Variants in PCDHGA12 observed in about 807,000 individuals in gnomAD.
The protein encoded by PCDHGA12 is protocadherin gamma-A12.
A neutral mutation model predicts 61.1 loss-of-function variants in PCDHGA12; 43 were observed. The observed-to-expected ratio is 0.70, with a 90% confidence interval of 0.55 to 0.91. The LOEUF (loss-of-function observed/expected upper bound fraction) is 0.91, where lower values mean the gene tolerates loss of function less well. Ranked by LOEUF, PCDHGA12 falls within the 40% of genes least tolerant of loss-of-function variation. PCDHGA12 has a pLI of 0.00. For missense variants in PCDHGA12, 1,236 were observed against 1,227.7 expected, an observed-to-expected ratio of 1.01 and a Z score of -0.10; for synonymous variants, 520 against 542.9, an observed-to-expected ratio of 0.96 and a Z score of 0.59.
At chr5:141,446,894 A>C (rs1413761456) in intron 1 of PCDHGA12, among the ~76,000 whole-genome samples, 3 of 152,118 alleles carry the variant, frequency 2.0e-5, no homozygotes, top group Non-Finnish European at 2.9e-5. Flanking sequence ...TTCATGGCTG[A>C]GCTACTTTTG....
intron 1 of PCDHGA12, among the ~76,000 whole-genome samples, chr5:141,450,782 C>T (rs1012152203): frequency 2.0e-5 from 3 of 151,350 alleles, no homozygotes; most frequent in East Asian, 1.9e-4. Flanking sequence ...CCACCGTGCC[C>T]GGACCTCATG....
chr5:141,447,541 A>G (rs2098542324), intron 1 of PCDHGA12, among the ~76,000 whole-genome samples: 1 of 152,218 alleles, frequency 6.6e-6, no homozygotes, highest in Non-Finnish European at 1.5e-5. Flanking sequence ...TTGGGTTTTA[A>G]TGTTATGAGT....
In PCDHGA12 at chr5:141,489,493, G is replaced by C. The variant is rs1485293604; in HGVS notation, c.2425-5314G>C. 3 of 1,614,078 alleles carry C rather than the reference G, an allele frequency of 1.9e-6. No homozygotes were observed. The South Asian group carries it at 3.3e-5, about 18-fold the overall frequency. On this transcript the variant is annotated intron_variant, in intron 1 of 3. Coordinates refer to ENST00000252085, the MANE Select transcript of PCDHGA12 (RefSeq NM_003735.3). This position sits in a 1 kb window ranked among gnomAD's most constrained non-coding sequence, Gnocchi z 4.5. Reference sequence around the variant, plus strand: ...CCTGAGCTTGATGAGTGGTGCCCTGGCAGTGAATCAAAAGATTGACCGAGA... The same window carrying C: ...CCTGAGCTTGATGAGTGGTGCCCTGCCAGTGAATCAAAAGATTGACCGAGA...
chr5:141,442,047 G>A (rs186626119), intron 1 of PCDHGA12: 64 of 202,912 alleles, frequency 3.2e-4, no homozygotes, highest in Admixed American at 9.3e-4. Context: ...GCGCCTACTG[G>A]TCGCGGTGCA....
intron 3 of PCDHGA12, 134 bp downstream of exon 3, chr5:141,505,615 C>T: frequency 2.0e-6 from 3 of 1,504,946 alleles, no homozygotes; most frequent in Non-Finnish European, 1.8e-6. Flanking sequence ...TCTGAAAGGA[C>T]CCACAATTCC....
intron 3 of PCDHGA12, among the ~76,000 whole-genome samples, chr5:141,509,422 G>A (rs1181133903): frequency 3.3e-5 from 5 of 152,136 alleles, no homozygotes; most frequent in Non-Finnish European, 5.9e-5. Flanking sequence ...GCCCCAATGA[G>A]TCAAACTCTT....
At chr5:141,466,094 C>T (rs1462266046) in intron 1 of PCDHGA12, among the ~76,000 whole-genome samples, 1 of 152,040 alleles carries the variant, frequency 6.6e-6, no homozygotes, top group Non-Finnish European at 1.5e-5. Flanking sequence ...TGCACTCCAG[C>T]CTGGGCAACA....
intron 1 of PCDHGA12, among the ~76,000 whole-genome samples, chr5:141,456,640 TG>T (rs1258175023): frequency 6.6e-6 from 1 of 152,130 alleles, no homozygotes; most frequent in Non-Finnish European, 1.5e-5. Flanking sequence ...TTACTACAGG[TG>T]TTAATCCCAA....
At chr5:141,468,668 C>T (rs993230755) in intron 1 of PCDHGA12, 1 of 149,910 alleles carries the variant, frequency 6.7e-6, no homozygotes, top group Admixed American at 6.7e-5. Context: ...AGATCAAGAC[C>T]ATCCTGGCTA....
chr5:141,464,419 A>C (rs2099083824), intron 1 of PCDHGA12, among the ~76,000 whole-genome samples: 1 of 151,658 alleles, frequency 6.6e-6, no homozygotes, highest in Non-Finnish European at 1.5e-5. Flanking sequence ...ATATATCTAT[A>C]TATATAGATA....
intron 1 of PCDHGA12, among the ~76,000 whole-genome samples, chr5:141,438,587 CATACATATATATATATATATATATATAT>C (rs1267620600): frequency 1.4e-5 from 1 of 73,428 alleles, no homozygotes; most frequent in Non-Finnish European, 2.6e-5. Context: ...TACATACATA[CATACATATATATATATATATATATATAT>C]ATATATATAT....
chr5:141,492,458 G>A (rs1333043781), intron 1 of PCDHGA12, among the ~76,000 whole-genome samples: 1 of 152,230 alleles, frequency 6.6e-6, no homozygotes, highest in Non-Finnish European at 1.5e-5. Flanking sequence ...GTGCGCGCCT[G>A]AGGGTCCCAG....
At chr5:141,496,021 G>A (rs1011612662) in intron 2 of PCDHGA12, among the ~76,000 whole-genome samples, 1 of 151,336 alleles carries the variant, frequency 6.6e-6, no homozygotes, top group Admixed American at 6.6e-5. Context: ...TTTTCTCTGA[G>A]CCTCTGTCTC....
chr5:141,448,152 C>T (rs1463599948), intron 1 of PCDHGA12, among the ~76,000 whole-genome samples: 1 of 151,984 alleles, frequency 6.6e-6, no homozygotes, highest in African/African-American at 2.4e-5. Flanking sequence ...CAGACTCACC[C>T]CTGAAAGATC....
At chr5:141,443,977 AT>A (rs1443967001) in intron 1 of PCDHGA12, among the ~76,000 whole-genome samples, 1 of 152,020 alleles carries the variant, frequency 6.6e-6, no homozygotes, top group African/African-American at 2.4e-5. Context: ...CATCTAAGCT[AT>A]GTTAATTTTA....
Position 141,491,244 on chromosome 5 carries a change from T to A in PCDHGA12, c.2425-3563T>A. 1 of 1,614,210 alleles carries A rather than the reference T, an allele frequency of 6.2e-7. No individual in the cohort carries two copies. Among genetic ancestry groups the A allele is most frequent in the Non-Finnish European group, 8.5e-7 (1 of 1,180,024 alleles). On this transcript the variant is annotated intron_variant, in intron 1 of 3. Coordinates refer to ENST00000252085, the MANE Select transcript of PCDHGA12 (RefSeq NM_003735.3). This position sits in a 1 kb window ranked among gnomAD's most constrained non-coding sequence, Gnocchi z 6.9. ...CCACAGTGCTGCTGGTTCTGGAGGA[T>A]GAGGACCCTGAGGAAATGCCCAAAT...
At chr5:141,455,160 GT>G (rs59530096) in intron 1 of PCDHGA12, among the ~76,000 whole-genome samples, 102 of 149,212 alleles carry the variant, frequency 6.8e-4, no homozygotes, top group East Asian at 7.9e-4. Flanking sequence ...TAGTTTGTTG[GT>G]TTTTTTTTTA....
intron 3 of PCDHGA12, among the ~76,000 whole-genome samples, chr5:141,508,871 A>T (rs981330486): frequency 5.3e-5 from 8 of 152,062 alleles, no homozygotes; most frequent in East Asian, 3.9e-4. Flanking sequence ...AAGGCTGAAG[A>T]GGCTGACGGC....
In PCDHGA12 at chr5:141,489,744, C is replaced by T. The variant is rs185263705; in HGVS notation, c.2425-5063C>T. The T allele has an allele frequency of 1.1e-5, 18 of 1,614,144 alleles. No homozygotes were observed. In the Admixed American group the frequency reaches 2.8e-4, roughly 25 times the overall value. Reference sequence around the variant, plus strand: ...CGGATGTGGGCACCAATACTGTGAGCTTTTACACTCTAAGCCCCAACAGCC... The same window carrying T: ...CGGATGTGGGCACCAATACTGTGAGTTTTTACACTCTAAGCCCCAACAGCC... On this transcript the variant is annotated intron_variant, in intron 1 of 3. Transcript: ENST00000252085. This position sits in a 1 kb window ranked among gnomAD's most constrained non-coding sequence, Gnocchi z 4.5.
Sources: gnomAD v4.1 joint callset for allele counts (sites outside exome capture counted in the v4.1 genomes callset) on GRCh38, gnomAD v4.1.1 for gene constraint, Gnocchi (gnomAD v3.1) non-coding constraint, MANE v1.5 for transcripts, NCBI Gene and HGNC (gene_info 2026-07-23, HGNC 2026-07-21) for gene names.